The following GRM3 variants were observed in gnomAD, a reference collection of about 807,000 sequenced individuals.
GRM3 encodes metabotropic glutamate receptor 3.
In GRM3, 26 loss-of-function variants were observed where a neutral mutation model predicts 70.5. The ratio of observed to expected loss-of-function variants is 0.37; its 90% confidence interval spans 0.27 to 0.51. The LOEUF is 0.51. GRM3 is among the 20% of genes least tolerant of loss of function. The pLI, the probability that GRM3 is intolerant of heterozygous loss-of-function variation, is 0.93. For missense variants in GRM3, 859 were observed against 1,123.8 expected (o/e 0.76, Z 3.37); for synonymous variants, 443 against 434.9 (o/e 1.02, Z -0.23).
chr7:86,792,193 G>A (rs140231669), intron 3 of GRM3, among the ~76,000 whole-genome samples: 14 of 152,204 alleles, frequency 9.2e-5, no homozygotes, highest in East Asian at 7.7e-4. Context: ...CCAGAAAGTC[G>A]AATAGAATAA....
intron 1 of GRM3, among the ~76,000 whole-genome samples, chr7:86,703,222 C>A (rs899131582): frequency 1.4e-4 from 22 of 151,856 alleles, no homozygotes; most frequent in Non-Finnish European, 1.6e-4. Flanking sequence ...TTATTCAAAG[C>A]ACAAATCCTA....
chr7:86,649,095 T>C (rs953264384), intron 1 of GRM3, among the ~76,000 whole-genome samples: 2 of 152,142 alleles, frequency 1.3e-5, no homozygotes, highest in Non-Finnish European at 2.9e-5. Flanking sequence ...GGAGACATCT[T>C]TCCAAAACTT....
intron 1 of GRM3, among the ~76,000 whole-genome samples, chr7:86,716,774 A>C (rs543446517): frequency 1.3e-5 from 2 of 151,976 alleles, no homozygotes; most frequent in Admixed American, 1.3e-4. Context: ...AGATTATAAG[A>C]AAAACTATTT....
chr7:86,666,126 A>C (rs1489491602), intron 1 of GRM3, among the ~76,000 whole-genome samples: 2 of 152,092 alleles, frequency 1.3e-5, no homozygotes, highest in East Asian at 3.8e-4. Context: ...ATTGAAAGTC[A>C]AATAATCCTT....
At chr7:86,799,363 C>T (rs182206835) in intron 3 of GRM3, among the ~76,000 whole-genome samples, 58 of 152,244 alleles carry the variant, frequency 3.8e-4, no homozygotes, top group East Asian at 1.5e-3. Context: ...CTAATTGCCC[C>T]GGACACAACT....
rs528186313 is a variant in GRM3 at position 86,795,377 on chromosome 7, G to A, written c.1324+8261G>A. ...TCTTGCACAGGTAAACATGTGCCAT[G>A]GTGGTTTGCTGCACCTATCAACGCA... On this transcript the variant is annotated intron_variant, in intron 3 of 5. Coordinates refer to ENST00000361669, the MANE Select transcript of GRM3 (RefSeq NM_000840.3). 8.6e-5 allele frequency among the ~76,000 whole-genome samples: 13 copies of A among 151,554 alleles called. 2 individuals are homozygous for A. Among genetic ancestry groups the A allele is most frequent in the African/African-American group, 2.9e-4 (12 of 41,274 alleles).
intron 1 of GRM3, among the ~76,000 whole-genome samples, chr7:86,687,765 C>T (rs1476599192): frequency 6.6e-6 from 1 of 151,724 alleles, no homozygotes; most frequent in Non-Finnish European, 1.5e-5. Flanking sequence ...GAATTTACAA[C>T]ATGTAGAAAT....
intron 1 of GRM3, among the ~76,000 whole-genome samples, chr7:86,692,577 C>T (rs573030812): frequency 2.0e-5 from 3 of 152,336 alleles, no homozygotes; most frequent in Admixed American, 2.0e-4. Context: ...TCACTTTGCA[C>T]TTTTCTACAT....
At chr7:86,759,532 A>G (rs1018611152) in intron 1 of GRM3, among the ~76,000 whole-genome samples, 1 of 152,168 alleles carries the variant, frequency 6.6e-6, no homozygotes. Context: ...ACTGTGTGTG[A>G]GGCACTGTGG....
At chr7:86,818,466 C>CA (rs1584262676) in intron 3 of GRM3, among the ~76,000 whole-genome samples, 1 of 152,014 alleles carries the variant, frequency 6.6e-6, no homozygotes, top group African/African-American at 2.4e-5. Context: ...ACTTACTAGT[C>CA]ACATGGCTCC....
chr7:86,845,271 A>T (rs1355400013), intron 4 of GRM3, among the ~76,000 whole-genome samples: 1 of 152,128 alleles, frequency 6.6e-6, no homozygotes, highest in Non-Finnish European at 1.5e-5. Flanking sequence ...AGTGTTACTT[A>T]CTTTCTTTTT....
At chr7:86,653,319 T>C (rs1436249306) in intron 1 of GRM3, among the ~76,000 whole-genome samples, 1 of 152,200 alleles carries the variant, frequency 6.6e-6, no homozygotes, top group Non-Finnish European at 1.5e-5. Flanking sequence ...CATGTGAATT[T>C]TGGAGCAACA....
chr7:86,809,799 G>A (rs1797872839), intron 3 of GRM3, among the ~76,000 whole-genome samples: 1 of 151,994 alleles, frequency 6.6e-6, no homozygotes, highest in African/African-American at 2.4e-5. Context: ...ATTACGAGCT[G>A]TCACAGGAGT....
At chr7:86,742,283 GT>G (rs1357382226) in intron 1 of GRM3, among the ~76,000 whole-genome samples, 1 of 152,124 alleles carries the variant, frequency 6.6e-6, no homozygotes, top group African/African-American at 2.4e-5. Context: ...ACAACCTGGG[GT>G]CACTAGTTCA....
intron 1 of GRM3, among the ~76,000 whole-genome samples, chr7:86,727,161 C>A (rs1795611437): frequency 6.6e-6 from 1 of 152,092 alleles, no homozygotes; most frequent in Non-Finnish European, 1.5e-5. Flanking sequence ...CAAAAAGAGA[C>A]AACAGAGTCA....
At position 86,799,636 on chromosome 7, in the gene GRM3, C is replaced by T. The variant is rs560911755; in HGVS notation, c.1324+12520C>T. On this transcript the variant is annotated intron_variant, in intron 3 of 5. Coordinates refer to ENST00000361669, the MANE Select transcript of GRM3 (RefSeq NM_000840.3). ...CCGCCTCCTGGGTTCACGCCATTCTCCTGCCCTAGCCTCCCGAGTAGCTGG... is the reference window on the plus strand; with the variant it reads ...CCGCCTCCTGGGTTCACGCCATTCTTCTGCCCTAGCCTCCCGAGTAGCTGG... Among the ~76,000 whole-genome samples the T allele has an allele frequency of 5.3e-5, 8 of 152,236 alleles. 1 individual carries two copies. The highest frequency in any genetic ancestry group is 1.7e-4 in the African/African-American group (7 of 41,538).
intron 1 of GRM3, among the ~76,000 whole-genome samples, chr7:86,692,991 A>T (rs1794728456): frequency 6.6e-6 from 1 of 152,220 alleles, no homozygotes; most frequent in Admixed American, 6.5e-5. Context: ...ATGGCAAAAA[A>T]TAAAGGCAGT....
chr7:86,710,528 T>G (rs1795170242), intron 1 of GRM3, among the ~76,000 whole-genome samples: 1 of 127,146 alleles, frequency 7.9e-6, no homozygotes, highest in South Asian at 2.8e-4. Context: ...TTTCTGAATT[T>G]CTATGTCCAA....
chr7:86,733,364 C>G (rs1011230279), intron 1 of GRM3, among the ~76,000 whole-genome samples: 16 of 151,316 alleles, frequency 1.1e-4, no homozygotes, highest in Admixed American at 6.6e-4. Flanking sequence ...CCCTAGACTA[C>G]TGGATTCCCA....
Sources: gnomAD v4.1 joint callset for allele counts (sites outside exome capture counted in the v4.1 genomes callset) on GRCh38, gnomAD v4.1.1 for gene constraint, MANE v1.5 for transcripts, NCBI Gene and HGNC (gene_info 2026-07-23, HGNC 2026-07-21) for gene names.